Variants in CNTNAP2 observed in about 807,000 individuals in gnomAD.
CNTNAP2 encodes the protein contactin-associated protein-like 2.
In CNTNAP2, 98 loss-of-function variants were observed where a neutral mutation model predicts 155.2. The ratio of observed to expected loss-of-function variants is 0.63; its 90% CI spans 0.54 to 0.75. The LOEUF is 0.75. CNTNAP2 is among the 30% of genes least tolerant of loss of function. CNTNAP2 has a pLI of 0.00. For missense variants in CNTNAP2, 1,727 were observed against 1,688.1 expected, an observed-to-expected ratio of 1.02 and a Z score of -0.40; for synonymous variants, 651 against 631.2, an observed-to-expected ratio of 1.03 and a Z score of -0.47.
intron 9 of CNTNAP2, among the ~76,000 whole-genome samples, chr7:147,365,448 A>C (rs181467162): frequency 3.9e-4 from 59 of 150,344 alleles, no homozygotes; most frequent in African/African-American, 1.4e-3. Flanking sequence ...AGTCGTTCCT[A>C]TTGTTTCTGG....
intron 1 of CNTNAP2, among the ~76,000 whole-genome samples, chr7:146,234,920 AT>A (rs1467782201): frequency 6.6e-6 from 1 of 152,170 alleles, no homozygotes; most frequent in Non-Finnish European, 1.5e-5. Flanking sequence ...CATGTCTGTG[AT>A]AATATTGAAA....
chr7:146,859,705 C>A (rs1301972394), intron 3 of CNTNAP2, among the ~76,000 whole-genome samples: 1 of 151,924 alleles, frequency 6.6e-6, no homozygotes, highest in Non-Finnish European at 1.5e-5. Flanking sequence ...CTGAGACCTA[C>A]CCTGACTCTA....
intron 11 of CNTNAP2, among the ~76,000 whole-genome samples, chr7:147,552,457 G>T (rs1383424458): frequency 6.6e-6 from 1 of 151,858 alleles, no homozygotes; most frequent in African/African-American, 2.4e-5. Flanking sequence ...ACTAAAGTTT[G>T]CATTTAGAAT....
chr7:146,559,375 C>A (rs1228715476), intron 1 of CNTNAP2, among the ~76,000 whole-genome samples: 2 of 152,022 alleles, frequency 1.3e-5, no homozygotes, highest in Non-Finnish European at 2.9e-5. Context: ...AGAGACTATC[C>A]TGGCTAACGT....
chr7:146,526,698 G>A (rs934395244), intron 1 of CNTNAP2, among the ~76,000 whole-genome samples: 7 of 152,198 alleles, frequency 4.6e-5, no homozygotes, highest in South Asian at 2.1e-4. Flanking sequence ...TGTCTGTTTC[G>A]TTCATTCCAA....
chr7:147,918,141 C>A (rs1436431536), intron 14 of CNTNAP2, among the ~76,000 whole-genome samples: 4 of 152,146 alleles, frequency 2.6e-5, no homozygotes, highest in African/African-American at 9.7e-5. Flanking sequence ...CTCTTATCTG[C>A]AATTAGATGC....
chr7:147,088,628 G>A (rs538949642), intron 4 of CNTNAP2, among the ~76,000 whole-genome samples: 42 of 152,268 alleles, frequency 2.8e-4, no homozygotes, highest in African/African-American at 6.3e-4. Context: ...CTGAAGGGCC[G>A]TGTCAGGTCT....
In CNTNAP2 at chr7:146,499,858, C is replaced by A. The variant is rs530648820; in HGVS notation, c.98-274413C>A. Reference sequence around the variant, plus strand: ...TTACAATCCATAAACACTGAATATTCTTTCATTTCTTTGGGTCTTTAAAAA... The same window carrying A: ...TTACAATCCATAAACACTGAATATTATTTCATTTCTTTGGGTCTTTAAAAA... On this transcript the variant is annotated intron_variant, in intron 1 of 23. Coordinates refer to ENST00000361727, the MANE Select transcript of CNTNAP2 (RefSeq NM_014141.6). Among the ~76,000 whole-genome samples the A allele has an allele frequency of 5.3e-5, 8 of 152,202 alleles. No individual in the cohort carries two copies. In the East Asian group the frequency reaches 1.5e-3, roughly 29 times the overall value.
At chr7:147,073,776 G>A (rs1799943616) in intron 4 of CNTNAP2, among the ~76,000 whole-genome samples, 1 of 152,116 alleles carries the variant, frequency 6.6e-6, no homozygotes, top group Admixed American at 6.5e-5. Context: ...CTAAAATATT[G>A]TCCAGGAAAT....
intron 1 of CNTNAP2, among the ~76,000 whole-genome samples, chr7:146,508,724 T>A (rs1182881532): frequency 6.6e-6 from 1 of 152,186 alleles, no homozygotes; most frequent in African/African-American, 2.4e-5. Flanking sequence ...GGGTGGGACA[T>A]GGTCAAGCAG....
At chr7:146,721,321 ATATATACATTC>A (rs1158111641) in intron 1 of CNTNAP2, among the ~76,000 whole-genome samples, 13 of 130,908 alleles carry the variant, frequency 9.9e-5, no homozygotes, top group East Asian at 6.8e-4. Flanking sequence ...TATATATTCT[ATATATACATTC>A]TATATACATT....
intron 3 of CNTNAP2, among the ~76,000 whole-genome samples, chr7:146,997,257 T>G (rs1255042540): frequency 6.6e-6 from 1 of 152,140 alleles, no homozygotes; most frequent in Admixed American, 6.6e-5. Flanking sequence ...TATACCTAAT[T>G]CATGGAGTGT....
rs377461377 is a variant in CNTNAP2, at chr7:148,158,469, C to T, written c.2773+10760C>T. On this transcript the variant is annotated intron_variant, in intron 17 of 23. Transcript: ENST00000361727. ...ATCTCTCGAGCTCATGATCCGCTGGCCTCAGCTTCCCAAGGTGCTAGGATT... is the reference window on the plus strand; with the variant it reads ...ATCTCTCGAGCTCATGATCCGCTGGTCTCAGCTTCCCAAGGTGCTAGGATT... Among the ~76,000 whole-genome samples, 4 of 152,148 alleles carry T rather than the reference C, an allele frequency of 2.6e-5. No homozygotes were observed. In the South Asian group the frequency reaches 6.2e-4, roughly 24 times the overall value.
chr7:147,740,621 A>G (rs1037846344), intron 13 of CNTNAP2, among the ~76,000 whole-genome samples: 5 of 152,232 alleles, frequency 3.3e-5, no homozygotes, highest in African/African-American at 1.2e-4. Flanking sequence ...CTTGTCATTC[A>G]CTTTGTAGAT....
rs576035288 is a variant in CNTNAP2, at chr7:146,350,087, G to T, written c.97+233114G>T. 3.1e-3 allele frequency among the ~76,000 whole-genome samples: 470 copies of T among 152,108 alleles called. 3 individuals carry two copies. The highest frequency in any genetic ancestry group is 0.011 in the African/African-American group (455 of 41,498). ...GTTTTCCAACTTGATTCCATTCTCC[G>T]TGTCACTTTCAGGTACACCAATCAG... On this transcript the variant is annotated intron_variant, in intron 1 of 23. Transcript: ENST00000361727.
intron 3 of CNTNAP2, among the ~76,000 whole-genome samples, chr7:146,971,392 A>G (rs1441382442): frequency 6.6e-6 from 1 of 152,180 alleles, no homozygotes; most frequent in East Asian, 1.9e-4. Flanking sequence ...AAGGCACTAT[A>G]TTTGTTCTCA....
chr7:146,804,416 GT>G (rs1802932526), intron 2 of CNTNAP2, among the ~76,000 whole-genome samples: 1 of 152,096 alleles, frequency 6.6e-6, no homozygotes, highest in Non-Finnish European at 1.5e-5. Flanking sequence ...TCTGTGGTTG[GT>G]TTTGGGAGGA....
chr7:146,222,051 G>A (rs1799215600), intron 1 of CNTNAP2, among the ~76,000 whole-genome samples: 1 of 152,120 alleles, frequency 6.6e-6, no homozygotes, highest in South Asian at 2.1e-4. Context: ...ATGTCAAGAA[G>A]GTGGAAATAG....
chr7:148,189,953 C>A (rs1795177978), intron 18 of CNTNAP2: 1 of 152,176 alleles, frequency 6.6e-6, no homozygotes, highest in South Asian at 2.1e-4. Flanking sequence ...TCTTTTATCT[C>A]TTGAAGATTT....
Sources: allele counts gnomAD v4.1 joint callset (sites outside exome capture counted in the v4.1 genomes callset), GRCh38; gene constraint gnomAD v4.1.1; transcripts MANE v1.5; gene names NCBI Gene and HGNC (gene_info 2026-07-23, HGNC 2026-07-21).